METTL21A: variants seen among roughly 807,000 people sequenced by gnomAD.
METTL21A encodes protein N-lysine methyltransferase METTL21A.
A neutral mutation model predicts 20.9 loss-of-function variants in METTL21A; 22 were observed. The ratio of observed to expected loss-of-function variants is 1.05; its 90% CI spans 0.75 to 1.50. The LOEUF (loss-of-function observed/expected upper bound fraction) is 1.50, where lower values mean the gene tolerates loss of function less well. Ranked by LOEUF, METTL21A falls within the 40% of genes most tolerant of loss-of-function variation. METTL21A has a pLI of 0.00. For missense variants in METTL21A, 271 were observed against 266.8 expected, an observed-to-expected ratio of 1.02 and a Z score of -0.11; for synonymous variants, 93 against 102.0, an observed-to-expected ratio of 0.91 and a Z score of 0.53.
At chr2:207,593,129 G>T (rs2085404182) in intron 3 of METTL21A, among the ~76,000 whole-genome samples, 1 of 152,092 alleles carries the variant, frequency 6.6e-6, no homozygotes, top group African/African-American at 2.4e-5. Flanking sequence ...ATTTCCATTT[G>T]ATTCCTTTTC....
downstream of METTL21A, chr2:207,581,079 G>A (rs149836894): frequency 5.2e-5 from 11 of 212,178 alleles, no homozygotes; most frequent in East Asian, 7.1e-4. Flanking sequence ...CATTGTAGGG[G>A]GATTTTAAAA....
intron 3 of METTL21A, chr2:207,599,318 ATTAT>A (rs1465850929): frequency 5.8e-5 from 12 of 207,224 alleles, no homozygotes; most frequent in East Asian, 5.2e-4. Context: ...ACAAGTTGGA[ATTAT>A]TTATTGAGTC....
intron 3 of METTL21A, chr2:207,597,039 A>G: frequency 1.2e-6 from 2 of 1,605,336 alleles, no homozygotes; most frequent in Non-Finnish European, 1.7e-6. Flanking sequence ...AAGGACCTTT[A>G]CTGCCACAAA....
At chr2:207,585,443 T>C (rs1405846252) in intron 3 of METTL21A, among the ~76,000 whole-genome samples, 1 of 152,096 alleles carries the variant, frequency 6.6e-6, no homozygotes, top group Non-Finnish European at 1.5e-5. Flanking sequence ...AAAGTCTTTC[T>C]CTACAAAAGC....
chr2:207,625,502 C>G (rs1000954407), upstream of METTL21A: 1 of 152,276 alleles, frequency 6.6e-6, no homozygotes. Flanking sequence ...GGGACCGGGG[C>G]TTTCCCTCGT....
downstream of METTL21A, chr2:207,581,449 TA>T (rs1451807908): frequency 5.0e-6 from 1 of 201,188 alleles, no homozygotes; most frequent in African/African-American, 2.3e-5. Context: ...TCAGGTTTTT[TA>T]AATTTATTAT....
In METTL21A at chr2:207,581,934, T is replaced by A. The variant is rs889509948; in HGVS notation, c.*213A>T. Reference sequence around the variant, plus strand: ...TTTAGAATATCCCTCAGTTTGCATTTGTCCAGTGTTTTCTATGGATAGATT... The same window carrying A: ...TTTAGAATATCCCTCAGTTTGCATTAGTCCAGTGTTTTCTATGGATAGATT... On this transcript the variant is annotated 3_prime_UTR_variant, in exon 4 of 4. Coordinates refer to the METTL21A transcript ENST00000425132. 8.5e-6 allele frequency: 6 copies of A among 702,896 alleles called. No individual in the cohort carries two copies. In the African/African-American group the frequency reaches 1.0e-4, roughly 12 times the overall value. The allele number at this position is 702,896 out of a possible 1,614,324, so 43.5% of individuals were successfully genotyped here.
chr2:207,623,279 A>T (rs959969919), intron 2 of METTL21A, among the ~76,000 whole-genome samples: 1 of 152,218 alleles, frequency 6.6e-6, no homozygotes, highest in Non-Finnish European at 1.5e-5. Context: ...TTACTACATT[A>T]GAATATATTG....
intron 3 of METTL21A, among the ~76,000 whole-genome samples, chr2:207,591,581 C>T (rs59594447): frequency 0.073 from 11,075 of 151,982 alleles, 750 homozygotes; most frequent in East Asian, 0.23. Context: ...TACAGGTGTG[C>T]GCCACCACAC....
intron 3 of METTL21A, among the ~76,000 whole-genome samples, chr2:207,584,508 AT>A (rs1297766434): frequency 6.6e-6 from 1 of 151,922 alleles, no homozygotes; most frequent in Non-Finnish European, 1.5e-5. Flanking sequence ...GGTTCAAGAG[AT>A]TCTCGTGCCT....
chr2:207,594,850 G>A (rs1170372614), intron 3 of METTL21A, among the ~76,000 whole-genome samples: 1 of 152,148 alleles, frequency 6.6e-6, no homozygotes, highest in African/African-American at 2.4e-5. Flanking sequence ...GTACACAAGA[G>A]TTCCAGTTTC....
downstream of METTL21A, among the ~76,000 whole-genome samples, chr2:207,605,064 T>C (rs2087862260): frequency 6.6e-6 from 1 of 152,236 alleles, no homozygotes; most frequent in Non-Finnish European, 1.5e-5. Context: ...GTCCGTGTTT[T>C]CAATTATTTG....
chr2:207,582,824 T>C (rs1051577568), intron 3 of METTL21A: 1 of 326,214 alleles, frequency 3.1e-6, no homozygotes. Flanking sequence ...ACCTGGGAGG[T>C]GGAAGTTGCA....
intron 3 of METTL21A, chr2:207,597,067 T>C: frequency 6.3e-7 from 1 of 1,587,308 alleles, no homozygotes; most frequent in Non-Finnish European, 8.5e-7. Flanking sequence ...AATTTGGGAT[T>C]TAAATTTTCA....
At chr2:207,617,457 G>A (rs2089920623) in intron 3 of METTL21A, among the ~76,000 whole-genome samples, 1 of 152,240 alleles carries the variant, frequency 6.6e-6, no homozygotes, top group South Asian at 2.1e-4. Context: ...GAAAAGGTGT[G>A]AAGAAAGGGC....
intron 3 of METTL21A, among the ~76,000 whole-genome samples, chr2:207,596,443 G>GT (rs1315358972): frequency 1.3e-5 from 2 of 150,578 alleles, no homozygotes; most frequent in African/African-American, 4.9e-5. Flanking sequence ...TTTTTTGTTT[G>GT]TTTCTTTGAG....
At chr2:207,608,017 C>G (rs947977819), downstream of METTL21A, among the ~76,000 whole-genome samples, 1 of 152,118 alleles carries the variant, frequency 6.6e-6, no homozygotes, top group Non-Finnish European at 1.5e-5. Flanking sequence ...ATTTCCCCAG[C>G]TTCCAGGAAT....
At chr2:207,583,066 TAAA>T (rs1429181655) in intron 3 of METTL21A, among the ~76,000 whole-genome samples, 2 of 151,876 alleles carry the variant, frequency 1.3e-5, no homozygotes, top group African/African-American at 2.4e-5. Context: ...ATAATACAAA[TAAA>T]AAAGTAACCT....
chr2:207,595,672 C>T (rs2086004640), intron 3 of METTL21A, among the ~76,000 whole-genome samples: 1 of 152,158 alleles, frequency 6.6e-6, no homozygotes, highest in Admixed American at 6.5e-5. Flanking sequence ...TTAAGCAGTC[C>T]TCCCACCTCA....
Sources: allele counts gnomAD v4.1 joint callset (sites outside exome capture counted in the v4.1 genomes callset), GRCh38; gene constraint gnomAD v4.1.1; transcripts MANE v1.5; gene names NCBI Gene and HGNC (gene_info 2026-07-23, HGNC 2026-07-21).